The following CACNB4 variants were observed in gnomAD, a reference collection of about 807,000 sequenced individuals.
CACNB4 encodes calcium voltage-gated channel auxiliary subunit beta 4.
CACNB4 carries 32 observed loss-of-function variants against 71.2 expected under a neutral mutation model. The observed-to-expected ratio is 0.45, with a 90% confidence interval of 0.34 to 0.60. The LOEUF (loss-of-function observed/expected upper bound fraction) is 0.60. CACNB4 is among the 20% of genes least tolerant of loss of function. CACNB4 has a pLI of 0.01. For synonymous variants in CACNB4, 231 were observed against 236.9 expected (o/e 0.97, Z 0.23); for missense variants, 464 against 647.9 (o/e 0.72, Z 3.08).
intron 10 of CACNB4, 136 bp downstream of exon 10, chr2:151,860,575 C>T: frequency 1.5e-6 from 1 of 689,172 alleles, no homozygotes; most frequent in Non-Finnish European, 2.6e-6. Context: ...TTGTCCATAG[C>T]TAGCATTCTT....
intron 2 of CACNB4, among the ~76,000 whole-genome samples, chr2:152,010,353 G>A: frequency 6.6e-6 from 1 of 152,186 alleles, no homozygotes. Flanking sequence ...ACACTGGCAG[G>A]ATAGAAGAGA....
At chr2:151,923,000 G>T (rs2099859343) in intron 2 of CACNB4, among the ~76,000 whole-genome samples, 1 of 152,186 alleles carries the variant, frequency 6.6e-6, no homozygotes, top group Admixed American at 6.5e-5. Context: ...CTCACTCCCT[G>T]CCCAGTTGTG....
At chr2:151,972,279 G>C (rs1201253842) in intron 2 of CACNB4, 1 of 152,192 alleles carries the variant, frequency 6.6e-6, no homozygotes, top group Non-Finnish European at 1.5e-5. Context: ...TAAAATCAAT[G>C]GCCGAAAATA....
chr2:152,070,474 A>G (rs991792717), intron 2 of CACNB4, among the ~76,000 whole-genome samples: 1 of 152,186 alleles, frequency 6.6e-6, no homozygotes, highest in Non-Finnish European at 1.5e-5. Context: ...ATGAAGTCAT[A>G]CATGCTTTTT....
intron 2 of CACNB4, among the ~76,000 whole-genome samples, chr2:151,927,426 G>A (rs528559005): frequency 6.6e-6 from 1 of 152,306 alleles, no homozygotes; most frequent in African/African-American, 2.4e-5. Context: ...TCGCTGGGAA[G>A]ATGTGGTGGA....
chr2:152,003,162 G>T (rs1682523365), intron 2 of CACNB4, among the ~76,000 whole-genome samples: 1 of 152,212 alleles, frequency 6.6e-6, no homozygotes, highest in East Asian at 1.9e-4. Flanking sequence ...ACATATCTCG[G>T]CCGGGCATGG....
chr2:152,029,436 G>C (rs548157759), intron 2 of CACNB4, among the ~76,000 whole-genome samples: 3 of 148,894 alleles, frequency 2.0e-5, no homozygotes, highest in Admixed American at 6.8e-5. Context: ...AGAGGTTGCA[G>C]TGAGCCAAGA....
chr2:151,867,851 T>G (rs1266637148), intron 9 of CACNB4: 4 of 152,054 alleles, frequency 2.6e-5, no homozygotes, highest in African/African-American at 9.7e-5. Context: ...TGCCCAATTC[T>G]CCCCTCCCCC....
At chr2:151,935,633 A>G (rs2099862749) in intron 2 of CACNB4, among the ~76,000 whole-genome samples, 1 of 152,260 alleles carries the variant, frequency 6.6e-6, no homozygotes, top group African/African-American at 2.4e-5. Context: ...ATGCGGATAG[A>G]AATCCACTTT....
At chr2:152,008,986 GA>G (rs1179155028) in intron 2 of CACNB4, among the ~76,000 whole-genome samples, 1 of 152,132 alleles carries the variant, frequency 6.6e-6, no homozygotes, top group Non-Finnish European at 1.5e-5. Flanking sequence ...GATTAATGAA[GA>G]AAATGAACAG....
At chr2:151,908,317 T>G (rs1242837621) in intron 2 of CACNB4, among the ~76,000 whole-genome samples, 2 of 152,226 alleles carry the variant, frequency 1.3e-5, no homozygotes, top group Non-Finnish European at 2.9e-5. Context: ...TTGGAAAGTT[T>G]GAAAGCAGAC....
At chr2:151,965,070 C>A (rs1341789771) in intron 2 of CACNB4, among the ~76,000 whole-genome samples, 2 of 152,124 alleles carry the variant, frequency 1.3e-5, no homozygotes, top group African/African-American at 2.4e-5. Context: ...ATCAATAGAA[C>A]CATTGAATCA....
chr2:152,004,922 G>A (rs1682638904), intron 2 of CACNB4, among the ~76,000 whole-genome samples: 1 of 152,172 alleles, frequency 6.6e-6, no homozygotes, highest in Non-Finnish European at 1.5e-5. Context: ...GTGACATCTA[G>A]TGGTCCCTAT....
intron 2 of CACNB4, among the ~76,000 whole-genome samples, chr2:151,965,042 C>A (rs2099870712): frequency 6.6e-6 from 1 of 152,188 alleles, no homozygotes. Flanking sequence ...TCAACAGGTT[C>A]TTAATTCTAT....
intron 12 of CACNB4, chr2:151,851,166 T>G (rs537383815): frequency 6.6e-6 from 1 of 152,244 alleles, no homozygotes; most frequent in Non-Finnish European, 1.5e-5. Context: ...ATTATAATTA[T>G]GGTCTTGAAG....
intron 2 of CACNB4, among the ~76,000 whole-genome samples, chr2:151,964,317 T>C (rs1371662502): frequency 2.0e-5 from 3 of 152,150 alleles, no homozygotes; most frequent in Non-Finnish European, 2.9e-5. Flanking sequence ...TTTTTAAAGA[T>C]TACAAATATG....
At chr2:151,950,445 T>C (rs76644927) in intron 2 of CACNB4, among the ~76,000 whole-genome samples, 2,210 of 152,264 alleles carry the variant, frequency 0.015, 49 homozygotes, top group African/African-American at 0.049. Flanking sequence ...AGAACAACCA[T>C]ATGTCCCAGC....
chr2:152,042,078 G>A (rs1684901955), intron 2 of CACNB4, among the ~76,000 whole-genome samples: 1 of 152,186 alleles, frequency 6.6e-6, no homozygotes, highest in South Asian at 2.1e-4. Context: ...GCCAGAATGG[G>A]CCATGCTGGG....
intron 9 of CACNB4, chr2:151,861,851 A>AAAAAAAAAACAAAAAAAAAAAC (rs201014643): frequency 4.4e-5 from 6 of 135,358 alleles, no homozygotes; most frequent in Non-Finnish European, 8.0e-5. Flanking sequence ...TCAAAAAAAA[A>AAAAAAAAAACAAAAAAAAAAAC]AAAAAAACTG....
Sources: allele counts gnomAD v4.1 joint callset (sites outside exome capture counted in the v4.1 genomes callset), GRCh38; gene constraint gnomAD v4.1.1; transcripts MANE v1.5; gene names NCBI Gene and HGNC (gene_info 2026-07-23, HGNC 2026-07-21).